PHTF2: variants seen among roughly 807,000 people sequenced by gnomAD.
The protein encoded by PHTF2 is protein PHTF2.
PHTF2 carries 60 observed loss-of-function variants against 101.2 expected under a neutral mutation model. The observed-to-expected ratio is 0.59, with a 90% CI of 0.48 to 0.73. The LOEUF (loss-of-function observed/expected upper bound fraction) is 0.73. PHTF2 is among the 30% of genes least tolerant of loss of function. The pLI, the probability that PHTF2 is intolerant of heterozygous loss-of-function variation, is 0.00. For missense variants in PHTF2, 747 were observed against 908.7 expected, an observed-to-expected ratio of 0.82 and a Z score of 2.29; for synonymous variants, 311 against 307.3, an observed-to-expected ratio of 1.01 and a Z score of -0.13.
At chr7:77,902,774 C>T (rs1801517674) in intron 7 of PHTF2, among the ~76,000 whole-genome samples, 1 of 150,154 alleles carries the variant, frequency 6.7e-6, no homozygotes, top group Admixed American at 6.6e-5. Flanking sequence ...GTTTTATCAA[C>T]AGATTCTAAG....
In PHTF2 at chr7:77,937,704, T is replaced by A. The variant is rs1562967070; in HGVS notation, c.1339-6T>A. The A allele has an allele frequency of 1.8e-5, 23 of 1,247,426 alleles. No individual in the cohort carries two copies. The highest frequency in any genetic ancestry group is 2.0e-5 in the Non-Finnish European group (19 of 939,654). The allele number at this position is 1,247,426 out of a possible 1,614,324, so 77.3% of individuals were successfully genotyped here. A position where few individuals can be genotyped will look rare whatever the true frequency, so the allele number is the denominator to read the frequency against. ...ATATATTTACTAATTTTTTTTTTTT[T>A]TATAGAGTCATTTGCCCTGGCTCCA... is the stretch of plus-strand genomic sequence containing the variant. On this transcript the variant is annotated splice_polypyrimidine_tract_variant and splice_region_variant and intron_variant, in intron 12 of 19. Coordinates refer to ENST00000416283, the Ensembl canonical transcript of PHTF2.
chr7:77,860,114 T>A (rs1469729106), intron 3 of PHTF2, among the ~76,000 whole-genome samples: 2 of 152,216 alleles, frequency 1.3e-5, no homozygotes, highest in African/African-American at 4.8e-5. Flanking sequence ...AAACCTACTT[T>A]GTGATAAATT....
chr7:77,900,755 C>G, exon 6 of PHTF2: 1 of 1,568,520 alleles, frequency 6.4e-7, no homozygotes. Context: ...TGAAACCAGA[C>G]CTCATAGATG....
Position 77,930,552 on chromosome 7 carries a change from A to AG in PHTF2, c.1338+1226dup, listed in dbSNP as rs540100467. 1.7e-3 allele frequency among the ~76,000 whole-genome samples: 264 copies of AG among 152,272 alleles called. 1 individual carries two copies. Among genetic ancestry groups the AG allele is most frequent in the African/African-American group, 5.7e-3 (235 of 41,556 alleles). ...AAACCAAGTAAAGTCAGAAAACTCG[A>AG]GAAAAAAAAGAGAACTTTCAATCTG... On this transcript the variant is annotated intron_variant, in intron 12 of 19. Coordinates refer to ENST00000416283, the Ensembl canonical transcript of PHTF2.
chr7:77,915,641 C>G (rs1234525944), intron 9 of PHTF2, among the ~76,000 whole-genome samples: 2 of 152,098 alleles, frequency 1.3e-5, no homozygotes, highest in African/African-American at 4.8e-5. Context: ...ATTTATTCTT[C>G]ATAACACTGC....
rs139154955 is a variant in PHTF2, at chr7:77,876,067, G to T, written c.148-17541G>T. Among the ~76,000 whole-genome samples the T allele has an allele frequency of 5.1e-4, 78 of 152,294 alleles. 1 individual carries two copies. In the East Asian group the frequency reaches 0.011, roughly 21 times the overall value. ...GTGCCTGAGCTAGAATTCAAATCTAGTTGGTCTGGGCCATAGTATCTGCAC... is the reference window on the plus strand; with the variant it reads ...GTGCCTGAGCTAGAATTCAAATCTATTTGGTCTGGGCCATAGTATCTGCAC... On this transcript the variant is annotated intron_variant, in intron 3 of 19. Coordinates refer to ENST00000416283, the Ensembl canonical transcript of PHTF2.
chr7:77,800,744 A>G (rs1792471287), intron 1 of PHTF2, among the ~76,000 whole-genome samples: 1 of 152,198 alleles, frequency 6.6e-6, no homozygotes, highest in African/African-American at 2.4e-5. Flanking sequence ...ATAAAATGAA[A>G]CTCGAAAATA....
chr7:77,951,475 T>C (rs1806538941), intron 17 of PHTF2, 142 bp from the exon 17 acceptor site: 6 of 379,458 alleles, frequency 1.6e-5, no homozygotes, highest in South Asian at 9.6e-5. Context: ...AAAATAAGTA[T>C]AGGAAATTTG....
chr7:77,879,081 C>G (rs1799183511), intron 3 of PHTF2, among the ~76,000 whole-genome samples: 1 of 152,182 alleles, frequency 6.6e-6, no homozygotes, highest in Non-Finnish European at 1.5e-5. Flanking sequence ...TCTTATGCAA[C>G]CATATCCAGT....
At chr7:77,929,915 A>C (rs1390311919) in intron 12 of PHTF2, among the ~76,000 whole-genome samples, 1 of 151,352 alleles carries the variant, frequency 6.6e-6, no homozygotes. Context: ...TGGTGTAAAC[A>C]CTTAGAGCAC....
At chr7:77,913,181 A>G (rs1802567919) in intron 9 of PHTF2, among the ~76,000 whole-genome samples, 1 of 152,068 alleles carries the variant, frequency 6.6e-6, no homozygotes, top group African/African-American at 2.4e-5. Context: ...TGAGGTCAGG[A>G]GTTCAAGACC....
chr7:77,847,020 A>C (rs1325906249), intron 2 of PHTF2, among the ~76,000 whole-genome samples: 2 of 152,162 alleles, frequency 1.3e-5, no homozygotes, highest in African/African-American at 4.8e-5. Context: ...TGGAAAGAAA[A>C]CTTGAGCTTT....
chr7:77,816,447 A>G (rs1278229516), intron 1 of PHTF2, among the ~76,000 whole-genome samples: 1 of 152,176 alleles, frequency 6.6e-6, no homozygotes, highest in African/African-American at 2.4e-5. Context: ...ATTTTGCTCA[A>G]TTCAATTACA....
intron 2 of PHTF2, among the ~76,000 whole-genome samples, chr7:77,847,366 TATG>T (rs140025466): frequency 0.022 from 3,358 of 152,354 alleles, 51 homozygotes; most frequent in Middle Eastern, 0.068. Flanking sequence ...TGCTTTATAG[TATG>T]ATAAGGTTAA....
At chr7:77,830,925 C>A (rs1795031207) in intron 1 of PHTF2, among the ~76,000 whole-genome samples, 1 of 152,230 alleles carries the variant, frequency 6.6e-6, no homozygotes, top group African/African-American at 2.4e-5. Flanking sequence ...CACAAGCTAA[C>A]CTTAGCCAAA....
At chr7:77,871,344 C>G (rs1057462380) in intron 3 of PHTF2, among the ~76,000 whole-genome samples, 1 of 152,168 alleles carries the variant, frequency 6.6e-6, no homozygotes, top group Non-Finnish European at 1.5e-5. Flanking sequence ...TAGTCCAGGC[C>G]AATCACTGTA....
At chr7:77,954,754 C>A in intron 19 of PHTF2, 104 bp from the exon 19 acceptor site, 2 of 648,000 alleles carry the variant, frequency 3.1e-6, no homozygotes, top group Non-Finnish European at 5.4e-6. Flanking sequence ...AGAAACTGCA[C>A]TTGTTTGTGA....
At chr7:77,896,818 A>ATTGAGT (rs2150812798) in intron 5 of PHTF2, among the ~76,000 whole-genome samples, 1 of 152,294 alleles carries the variant, frequency 6.6e-6, no homozygotes, top group African/African-American at 2.4e-5. Flanking sequence ...TACCAAATGT[A>ATTGAGT]TTGAGTTTGT....
At chr7:77,821,960 G>A (rs1411773631) in intron 1 of PHTF2, among the ~76,000 whole-genome samples, 3 of 152,202 alleles carry the variant, frequency 2.0e-5, no homozygotes, top group Non-Finnish European at 4.4e-5. Context: ...TGCAGGTGGA[G>A]AGCTGAGGGC....
Sources: allele counts gnomAD v4.1 joint callset (sites outside exome capture counted in the v4.1 genomes callset), GRCh38; gene constraint gnomAD v4.1.1; transcripts MANE v1.5; gene names NCBI Gene and HGNC (gene_info 2026-07-23, HGNC 2026-07-21).